Variants in MEI1 observed in about 807,000 individuals in gnomAD.
The protein encoded by MEI1 is meiosis inhibitor protein 1.
In MEI1, 103 loss-of-function variants were observed where a neutral mutation model predicts 146.2. That is an observed-to-expected ratio of 0.70 (90% CI 0.60 to 0.83). MEI1 has a LOEUF of 0.83. MEI1 is among the 40% of genes least tolerant of loss of function. The probability of loss-of-function intolerance (pLI) is 0.00; values close to 1 mark genes in which losing one functional copy is unlikely to be tolerated. For synonymous variants in MEI1, 652 were observed against 628.2 expected (o/e 1.04, Z -0.57); for missense variants, 1,529 against 1,533.0 (o/e 1.00, Z 0.04).
At chr22:41,700,629 C>G (rs975569885) in intron 1 of MEI1, among the ~76,000 whole-genome samples, 2 of 151,948 alleles carry the variant, frequency 1.3e-5, no homozygotes, top group Non-Finnish European at 1.5e-5. Flanking sequence ...CGGTGCCCGA[C>G]CTGCAGTGAG....
intron 17 of MEI1, 66 bp from the exon 18 acceptor site, chr22:41,758,299 T>C: frequency 6.7e-7 from 1 of 1,488,270 alleles, no homozygotes; most frequent in Non-Finnish European, 9.2e-7. Context: ...TAGTAGGTAC[T>C]AATGTGCTGA....
chr22:41,723,877 C>T, intron 6 of MEI1, 66 bp from the exon 7 acceptor site: 1 of 1,524,718 alleles, frequency 6.6e-7, no homozygotes, highest in East Asian at 2.4e-5. Flanking sequence ...GTCTGAGGGG[C>T]TATCTTGGGA....
chr22:41,738,925 C>T (rs964307025), intron 11 of MEI1, among the ~76,000 whole-genome samples: 13 of 151,806 alleles, frequency 8.6e-5, no homozygotes, highest in Non-Finnish European at 1.8e-4. Context: ...TATGATCACA[C>T]CGCTGCACTC....
Position 41,723,839 on chromosome 22 carries a change from A to G in MEI1, c.734-104A>G, listed in dbSNP as rs551826074. 5.9e-6 allele frequency: 8 copies of G among 1,348,300 alleles called. No individual in the cohort carries two copies. In the East Asian group the frequency reaches 1.0e-4, roughly 17 times the overall value. The allele number at this position is 1,348,300 out of a possible 1,614,324, so 83.5% of individuals were successfully genotyped here. A position where few individuals can be genotyped will look rare whatever the true frequency, so the allele number is the denominator to read the frequency against. On this transcript the variant is annotated intron_variant, in intron 6 of 30. Transcript: ENST00000401548. Reference sequence around the variant, plus strand: ...GATTCTAACCATTCTTCATATTTGTAGAGGGATGAAGAAGTTTCTCTGGGG... The same window carrying G: ...GATTCTAACCATTCTTCATATTTGTGGAGGGATGAAGAAGTTTCTCTGGGG...
intron 30 of MEI1, among the ~76,000 whole-genome samples, chr22:41,797,402 A>C (rs2076401359): frequency 6.6e-6 from 1 of 151,044 alleles, no homozygotes; most frequent in African/African-American, 2.4e-5. Flanking sequence ...ATCTGAGGTC[A>C]GGAGTTCAAG....
At chr22:41,715,966 T>A in intron 4 of MEI1, 75 bp from the exon 5 acceptor site, 1 of 1,071,584 alleles carries the variant, frequency 9.3e-7, no homozygotes, top group Admixed American at 2.1e-5. Flanking sequence ...TTGGTGTGGG[T>A]AGGGAAAGAT....
intron 7 of MEI1, among the ~76,000 whole-genome samples, chr22:41,724,307 C>T (rs919904380): frequency 2.6e-5 from 4 of 152,042 alleles, no homozygotes; most frequent in African/African-American, 9.7e-5. Flanking sequence ...GGCAATATGG[C>T]AAAACCCTGT....
rs749125651 is a variant in MEI1 at position 41,770,803 on chromosome 22, T to C, written c.2386T>C (p.Tyr796His). The change falls in exon 20 of 31, where the codon TAT (tyrosine) becomes CAT (histidine). Residue 796 changes from tyrosine to histidine, a missense_variant. Around this residue, in one of 3 missense-constraint regions of MEI1, gnomAD observed 1,212 missense variants for 1,178.9 expected, o/e 1.03. Coordinates refer to ENST00000401548, the MANE Select transcript of MEI1 (RefSeq NM_152513.4). The part of the protein sequence containing the change: ...FLLYPELMSR[Y>H]GHRVLELWFF... Reference sequence around the variant, plus strand: ...GTTGTATCCAGAGCTCATGAGTAGGTATGGGCACCGTGTCCTGGAACTTTG... The same window carrying C: ...GTTGTATCCAGAGCTCATGAGTAGGCATGGGCACCGTGTCCTGGAACTTTG... 10 of 1,613,784 alleles carry C rather than the reference T, an allele frequency of 6.2e-6. No individual in the cohort carries two copies. The Admixed American group carries it at 1.0e-4, about 16-fold the overall frequency.
chr22:41,762,935 T>A (rs1192180728), intron 18 of MEI1, among the ~76,000 whole-genome samples: 3 of 152,104 alleles, frequency 2.0e-5, no homozygotes, highest in Non-Finnish European at 4.4e-5. Context: ...ACCTCCCAAG[T>A]GTGAATGAGG....
intron 5 of MEI1, among the ~76,000 whole-genome samples, chr22:41,716,463 AC>A (rs1281057254): frequency 7.8e-6 from 1 of 128,764 alleles, no homozygotes; most frequent in Non-Finnish European, 1.6e-5. Flanking sequence ...TGCAACCTCC[AC>A]CTCCCGGGTT....
chr22:41,739,751 G>T (rs1473137424), intron 11 of MEI1, among the ~76,000 whole-genome samples: 2 of 152,102 alleles, frequency 1.3e-5, no homozygotes, highest in African/African-American at 4.8e-5. Context: ...AAGTCTTCCA[G>T]CAGGACACTG....
chr22:41,783,279 A>G (rs988178891), intron 24 of MEI1, among the ~76,000 whole-genome samples: 1 of 151,700 alleles, frequency 6.6e-6, no homozygotes, highest in Non-Finnish European at 1.5e-5. Context: ...CCCGACACAC[A>G]TACACAGAGT....
In MEI1 at chr22:41,754,047, G is replaced by T; in HGVS notation, c.1951+1G>T. The stretch of plus-strand genomic sequence containing the variant: ...AAGACAGGACCACCTTCCAAAGAAG[G>T]TAAGATGCTACAATTTGACCACTCA... On this transcript the variant is annotated splice_donor_variant, in intron 17 of 30. Transcript: ENST00000401548. LOFTEE classifies it high-confidence loss of function. 1.9e-6 allele frequency: 3 copies of T among 1,606,864 alleles called. No individual in the cohort carries two copies. Among genetic ancestry groups the T allele is most frequent in the Non-Finnish European group, 2.6e-6 (3 of 1,173,592 alleles).
intron 24 of MEI1, 94 bp from the exon 25 acceptor site, chr22:41,784,245 T>A: frequency 9.3e-7 from 1 of 1,069,676 alleles, no homozygotes; most frequent in Non-Finnish European, 1.4e-6. Context: ...AGTGGATATG[T>A]GGGGGGAGGT....
At chr22:41,715,186 TATCTC>T (rs926265004) in intron 4 of MEI1, among the ~76,000 whole-genome samples, 2 of 152,082 alleles carry the variant, frequency 1.3e-5, no homozygotes, top group Non-Finnish European at 2.9e-5. Context: ...TTATATGTAA[TATCTC>T]ATTCAGCCCT....
chr22:41,747,736 C>CCAA (rs1569240908), intron 14 of MEI1, among the ~76,000 whole-genome samples: 22 of 133,090 alleles, frequency 1.7e-4, no homozygotes, highest in Admixed American at 3.8e-4. Context: ...CCCACCCCCC[C>CCAA]AAAAAAAACA....
rs747979509 is a variant in MEI1 at position 41,781,666 on chromosome 22, C to T, written c.2927-19C>T. 1.9e-6 allele frequency: 3 copies of T among 1,610,188 alleles called. No individual in the cohort carries two copies. The highest frequency in any genetic ancestry group is 1.7e-5 in the Admixed American group (1 of 59,866). On this transcript the variant is annotated intron_variant, in intron 23 of 30. Coordinates refer to ENST00000401548, the MANE Select transcript of MEI1 (RefSeq NM_152513.4). ...TCCTCTGTAACTCCTGTGGGCCCTG[C>T]CTTGCCCACCCCCGACAGCTGCTGC... is the stretch of plus-strand genomic sequence containing the variant.
chr22:41,758,514 GC>G lies in MEI1; in HGVS notation c.2103del (p.Tyr702ThrfsTer65). 1 of 1,613,092 alleles carries G rather than the reference GC, an allele frequency of 6.2e-7. No individual in the cohort carries two copies. Among genetic ancestry groups the G allele is most frequent in the Non-Finnish European group, 8.5e-7 (1 of 1,179,406 alleles). On this transcript the variant is annotated frameshift_variant, in exon 18 of 31. Coordinates refer to ENST00000401548, the MANE Select transcript of MEI1 (RefSeq NM_152513.4). LOFTEE classifies it high-confidence loss of function. ...QYCILLLFYL[A>X]YIHEDRFVSE... is the part of the protein sequence containing the mutation. Reference sequence around the variant, plus strand: ...CTGCATCCTGCTCCTCTTCTACTTGGCCTACATCCATGAAGACAGGTCAGTG... The same window carrying G: ...CTGCATCCTGCTCCTCTTCTACTTGGCTACATCCATGAAGACAGGTCAGTG...
chr22:41,737,644 C>T (rs2072496281), intron 11 of MEI1, among the ~76,000 whole-genome samples: 1 of 151,916 alleles, frequency 6.6e-6, no homozygotes, highest in Non-Finnish European at 1.5e-5. Context: ...TGGGTTCAAG[C>T]AATTTTTCTG....
Sources: allele counts gnomAD v4.1 joint callset (sites outside exome capture counted in the v4.1 genomes callset), GRCh38; gene constraint gnomAD v4.1.1; regional missense constraint gnomAD v4.1.1; transcripts MANE v1.5; gene names NCBI Gene and HGNC (gene_info 2026-07-23, HGNC 2026-07-21).